MSRA: variants seen among roughly 807,000 people sequenced by gnomAD.
MSRA encodes methionine sulfoxide reductase A, also known as mitochondrial peptide methionine sulfoxide reductase.
A neutral mutation model predicts 31.3 loss-of-function variants in MSRA; 54 were observed. That is an observed-to-expected ratio of 1.73 (90% CI 1.39 to 2.17). The LOEUF is 2.17. Among genes scored for constraint, MSRA ranks in the 30% most tolerant of loss-of-function variants. The pLI is 0.00. For missense variants in MSRA, 507 were observed against 300.9 expected, an observed-to-expected ratio of 1.69 and a Z score of -5.07; for synonymous variants, 169 against 116.5, an observed-to-expected ratio of 1.45 and a Z score of -2.90.
chr8:10,287,487 A>T (rs1799997394), intron 3 of MSRA, among the ~76,000 whole-genome samples: 1 of 152,148 alleles, frequency 6.6e-6, no homozygotes, highest in Non-Finnish European at 1.5e-5. Context: ...CAGGAATCTC[A>T]AGTCAGGAAA....
At chr8:10,233,904 A>G (rs1284413196) in intron 2 of MSRA, among the ~76,000 whole-genome samples, 1 of 152,204 alleles carries the variant, frequency 6.6e-6, no homozygotes, top group Non-Finnish European at 1.5e-5. Flanking sequence ...AATATTAAGA[A>G]TAATGAAAAA....
chr8:10,330,529 G>A (rs1012508218), intron 5 of MSRA, among the ~76,000 whole-genome samples: 1 of 152,130 alleles, frequency 6.6e-6, no homozygotes, highest in African/African-American at 2.4e-5. Flanking sequence ...TATTAATTAT[G>A]TACAGATTCA....
chr8:10,092,675 G>A (rs1486734341), intron 1 of MSRA, among the ~76,000 whole-genome samples: 1 of 151,842 alleles, frequency 6.6e-6, no homozygotes, highest in Non-Finnish European at 1.5e-5. Flanking sequence ...TTGTTGGGTA[G>A]ATTGTTTGGT....
At chr8:10,263,013 T>A (rs1290958698) in intron 3 of MSRA, among the ~76,000 whole-genome samples, 1 of 152,236 alleles carries the variant, frequency 6.6e-6, no homozygotes, top group African/African-American at 2.4e-5. Context: ...ACTGTGGCCA[T>A]CCACCCTCCC....
intron 5 of MSRA, among the ~76,000 whole-genome samples, chr8:10,385,162 C>T (rs1806309514): frequency 6.6e-6 from 1 of 152,108 alleles, no homozygotes; most frequent in Non-Finnish European, 1.5e-5. Context: ...ATGGGGGAAA[C>T]ACCAGGAGTA....
chr8:10,094,798 A>G (rs1275669465), intron 1 of MSRA, among the ~76,000 whole-genome samples: 1 of 152,270 alleles, frequency 6.6e-6, no homozygotes, highest in Non-Finnish European at 1.5e-5. Flanking sequence ...TGCTTATTAT[A>G]TTGTATTAAC....
intron 5 of MSRA, among the ~76,000 whole-genome samples, chr8:10,402,066 A>C (rs1050574971): frequency 1.3e-5 from 2 of 152,218 alleles, no homozygotes; most frequent in African/African-American, 4.8e-5. Flanking sequence ...CATATATTTT[A>C]CCATAATAGA....
chr8:10,173,728 C>T (rs1427601498), intron 1 of MSRA, among the ~76,000 whole-genome samples: 1 of 152,218 alleles, frequency 6.6e-6, no homozygotes, highest in Non-Finnish European at 1.5e-5. Flanking sequence ...TCTGCAGCCC[C>T]TTCTTTGTCA....
chr8:10,428,004 T>C (rs918463841), intron 5 of MSRA, 144 bp from the exon 6 acceptor site: 8 of 757,520 alleles, frequency 1.1e-5, no homozygotes, highest in African/African-American at 7.1e-5. Context: ...CCACTTGGAA[T>C]GCGGAGAGCC....
At position 10,123,423 on chromosome 8, in the gene MSRA, T is replaced by C. The variant is rs552969277; in HGVS notation, c.142+68765T>C. Among the ~76,000 whole-genome samples the C allele has an allele frequency of 5.3e-5, 8 of 152,364 alleles. No homozygotes were observed. The East Asian group carries it at 9.6e-4, about 18-fold the overall frequency. On this transcript the variant is annotated intron_variant, in intron 1 of 5. Transcript: ENST00000317173. ...AGTTTCTTATTAGATACTAGACCTTTGTCAAATGCATAGTTTGCAAAAATT... is the reference window on the plus strand; with the variant it reads ...AGTTTCTTATTAGATACTAGACCTTCGTCAAATGCATAGTTTGCAAAAATT...
chr8:10,190,338 C>G (rs1401743078), intron 1 of MSRA, among the ~76,000 whole-genome samples: 1 of 152,218 alleles, frequency 6.6e-6, no homozygotes, highest in Non-Finnish European at 1.5e-5. Context: ...CCGCCCCTGC[C>G]TGTGCCGCTT....
In MSRA at chr8:10,162,310, A is replaced by C. The variant is rs1314368981; in HGVS notation, c.143-45523A>C. Among the ~76,000 whole-genome samples, 3 of 151,914 alleles carry C rather than the reference A, an allele frequency of 2.0e-5. No individual in the cohort carries two copies. The South Asian group carries it at 6.2e-4, about 32-fold the overall frequency. On this transcript the variant is annotated intron_variant, in intron 1 of 5. Transcript: ENST00000317173. ...TGGGATTGGTGGCCTTATAAAAGGG[A>C]CTCCAGAGATGTCTCTTTCTCTCCT...
chr8:10,204,929 C>T (rs1808821675), intron 1 of MSRA, among the ~76,000 whole-genome samples: 1 of 152,224 alleles, frequency 6.6e-6, no homozygotes, highest in South Asian at 2.1e-4. Context: ...GATGCAGTCC[C>T]TGTACAAACA....
chr8:10,128,036 C>T lies in MSRA; in HGVS notation c.142+73378C>T, dbSNP rs528633828. 1.1e-4 allele frequency among the ~76,000 whole-genome samples: 16 copies of T among 152,188 alleles called. 1 individual carries two copies. The South Asian group carries it at 3.3e-3, about 32-fold the overall frequency. On this transcript the variant is annotated intron_variant, in intron 1 of 5. Coordinates refer to ENST00000317173, the MANE Select transcript of MSRA (RefSeq NM_012331.5). ...ATTTCCAGAGAGGAGAACTGCGGAT[C>T]TTGTGCATTCTCTGTGTCTCCTTCT... is the stretch of plus-strand genomic sequence containing the variant.
chr8:10,149,995 C>G (rs1278542362), intron 1 of MSRA, among the ~76,000 whole-genome samples: 1 of 115,134 alleles, frequency 8.7e-6, no homozygotes, highest in Non-Finnish European at 1.9e-5. Flanking sequence ...GTTAAACCAC[C>G]AAGGGAGGCT....
At chr8:10,162,101 G>T (rs1353260701) in intron 1 of MSRA, among the ~76,000 whole-genome samples, 1 of 152,174 alleles carries the variant, frequency 6.6e-6, no homozygotes, top group Non-Finnish European at 1.5e-5. Context: ...CCGATGGGAG[G>T]TGATTAGAGA....
chr8:10,229,520 G>T (rs1469515214), intron 2 of MSRA, among the ~76,000 whole-genome samples: 1 of 152,154 alleles, frequency 6.6e-6, no homozygotes, highest in Non-Finnish European at 1.5e-5. Flanking sequence ...CAGAGGAGCA[G>T]CTCTGACCTC....
chr8:10,381,600 C>T (rs1178019896), intron 5 of MSRA, among the ~76,000 whole-genome samples: 1 of 152,190 alleles, frequency 6.6e-6, no homozygotes, highest in Non-Finnish European at 1.5e-5. Flanking sequence ...GGAACGAACA[C>T]ACATGCCCTC....
intron 3 of MSRA, among the ~76,000 whole-genome samples, chr8:10,256,910 G>A (rs1215622734): frequency 6.6e-6 from 1 of 152,040 alleles, no homozygotes; most frequent in African/African-American, 2.4e-5. Flanking sequence ...TACCAAGGTG[G>A]GTCCAGAAGA....
Sources: allele counts gnomAD v4.1 joint callset (sites outside exome capture counted in the v4.1 genomes callset), GRCh38; gene constraint gnomAD v4.1.1; transcripts MANE v1.5; gene names NCBI Gene and HGNC (gene_info 2026-07-23, HGNC 2026-07-21).